The following RAD52 variants were observed in gnomAD, a reference collection of about 807,000 sequenced individuals.
RAD52 encodes the protein RAD52 DNA repair protein, also known as DNA repair protein RAD52 homolog.
Under a neutral mutation model 55.5 loss-of-function variants are expected in RAD52, and 47 were observed. The ratio of observed to expected loss-of-function variants is 0.85; its 90% CI spans 0.67 to 1.08. RAD52 has a LOEUF of 1.08. Among genes scored for constraint, RAD52 ranks in the 50% least tolerant of loss-of-function variants. The probability of loss-of-function intolerance (pLI) is 0.00; values close to 1 mark genes in which losing one functional copy is unlikely to be tolerated. For missense variants in RAD52, 468 were observed against 522.8 expected (o/e 0.90, Z 1.02); for synonymous variants, 184 against 198.9 (o/e 0.92, Z 0.63).
intron 1 of RAD52, among the ~76,000 whole-genome samples, chr12:987,842 G>A (rs991938376): frequency 6.6e-5 from 10 of 152,106 alleles, no homozygotes; most frequent in African/African-American, 1.2e-4. Context: ...GATTATAGGC[G>A]CAAGCCACTG....
rs757240202 is a variant in RAD52 at position 931,321 on chromosome 12, A to T, written c.85T>A (p.Cys29Ser). ...TGGTACTCTTCTGCTGTGTACTGGC[A>T]CTGCAACCCCAAAAAAGAAAATTAA... ...GGGSVLCFGQ[C>S]QYTAEEYQAI... Residue 29 changes from cysteine to serine, a missense_variant and splice_region_variant, in exon 3 of 12, where the codon TGC becomes AGC. Coordinates refer to ENST00000358495, the MANE Select transcript of RAD52 (RefSeq NM_134424.4). 6.4e-6 allele frequency: 10 copies of T among 1,573,216 alleles called. No individual in the cohort carries two copies. In the South Asian group the frequency reaches 1.2e-4, roughly 18 times the overall value.
chr12:960,293 CAGAG>C (rs1332115917), intron 1 of RAD52, among the ~76,000 whole-genome samples: 1 of 152,146 alleles, frequency 6.6e-6, no homozygotes, highest in African/African-American at 2.4e-5. Context: ...AATGTGTTCA[CAGAG>C]AATCTATAGA....
intron 1 of RAD52, among the ~76,000 whole-genome samples, chr12:965,045 T>C (rs1333705036): frequency 1.3e-5 from 2 of 151,998 alleles, no homozygotes; most frequent in African/African-American, 4.8e-5. Flanking sequence ...AATGGCGCCA[T>C]CTTGGCTCAC....
At position 971,026 on chromosome 12, in the gene RAD52, AT is replaced by A. The variant is rs1281960209; in HGVS notation, c.-19+18782del. ...AGTGGATTTATGTGCATATGTCACC[AT>A]TTTTTTCCATGGAATTTTATCATTG... On this transcript the variant is annotated intron_variant, in intron 1 of 11. Transcript: ENST00000430095. Among the ~76,000 whole-genome samples, 9 of 152,258 alleles carry A rather than the reference AT, an allele frequency of 5.9e-5. No homozygotes were observed. The South Asian group carries it at 1.4e-3, about 25-fold the overall frequency.
intron 1 of RAD52, among the ~76,000 whole-genome samples, chr12:936,442 T>G (rs915199729): frequency 6.6e-6 from 1 of 151,108 alleles, no homozygotes; most frequent in African/African-American, 2.4e-5. Context: ...CTATTCTGCT[T>G]TCCTTCCTAA....
chr12:950,046 C>G (rs998290012), upstream of RAD52, among the ~76,000 whole-genome samples: 1 of 152,202 alleles, frequency 6.6e-6, no homozygotes, highest in African/African-American at 2.4e-5. Context: ...ATGCCCAGTG[C>G]CCATTAGGAT....
chr12:949,794 C>T (rs1958470315), upstream of RAD52: 1 of 152,026 alleles, frequency 6.6e-6, no homozygotes, highest in Non-Finnish European at 1.5e-5. Flanking sequence ...AACCGTAAAT[C>T]AAGTCGGAGG....
At chr12:984,290 G>T (rs1959057794) in intron 1 of RAD52, among the ~76,000 whole-genome samples, 2 of 152,152 alleles carry the variant, frequency 1.3e-5, no homozygotes, top group South Asian at 4.2e-4. Flanking sequence ...CCGCCTCCCG[G>T]GTTCAAGCGA....
intron 9 of RAD52, 94 bp downstream of exon 9, chr12:916,250 C>A: frequency 6.5e-7 from 1 of 1,537,764 alleles, no homozygotes; most frequent in South Asian, 1.2e-5. Context: ...TGGTTTGGAG[C>A]CGGCCCAGGG....
At chr12:969,806 A>C (rs1268843279) in intron 1 of RAD52, among the ~76,000 whole-genome samples, 2 of 151,450 alleles carry the variant, frequency 1.3e-5, no homozygotes, top group African/African-American at 4.9e-5. Context: ...AAAAAAAAAG[A>C]TTTTAGTATG....
intron 1 of RAD52, among the ~76,000 whole-genome samples, chr12:937,394 A>G (rs1193416919): frequency 6.6e-6 from 1 of 151,082 alleles, no homozygotes; most frequent in East Asian, 1.9e-4. Flanking sequence ...GGTATAGCAG[A>G]CACTACGGAT....
At chr12:980,687 C>T (rs7976803) in intron 1 of RAD52, among the ~76,000 whole-genome samples, 20,486 of 151,118 alleles carry the variant, frequency 0.14, 1,868 homozygotes, top group African/African-American at 0.26. Flanking sequence ...CTGCAACCGC[C>T]GCCTCCTGGG....
intron 1 of RAD52, among the ~76,000 whole-genome samples, chr12:983,955 CA>C (rs2154122061): frequency 6.6e-6 from 1 of 152,224 alleles, no homozygotes; most frequent in South Asian, 2.1e-4. Flanking sequence ...AATGGATGCA[CA>C]TAAGTTTTAA....
intron 1 of RAD52, chr12:976,426 T>G (rs901398131): frequency 3.9e-5 from 6 of 152,198 alleles, no homozygotes; most frequent in Non-Finnish European, 8.8e-5. Flanking sequence ...AGGAATGAAA[T>G]TGTACCATTT....
chr12:942,305 A>C (rs544622936), intron 1 of RAD52, among the ~76,000 whole-genome samples: 1 of 152,352 alleles, frequency 6.6e-6, no homozygotes, highest in South Asian at 2.1e-4. Context: ...CAGTCATCTT[A>C]ATTTCCAAAA....
In RAD52 at chr12:987,695, G is replaced by T. The variant is rs1423288269; in HGVS notation, c.-19+2114C>A. On this transcript the variant is annotated intron_variant, in intron 1 of 11. Coordinates refer to the RAD52 transcript ENST00000430095. Reference sequence around the variant, plus strand: ...CCCACCTCAGCCACCTGAGTAGCTGGGATTACAGGCATATGCCACCATACT... The same window carrying T: ...CCCACCTCAGCCACCTGAGTAGCTGTGATTACAGGCATATGCCACCATACT... Among the ~76,000 whole-genome samples, 3 of 151,884 alleles carry T rather than the reference G, an allele frequency of 2.0e-5. No homozygotes were observed. The South Asian group carries it at 6.2e-4, about 32-fold the overall frequency.
chr12:930,537 T>C (rs1957273517), intron 3 of RAD52, among the ~76,000 whole-genome samples: 1 of 152,082 alleles, frequency 6.6e-6, no homozygotes, highest in Non-Finnish European at 1.5e-5. Context: ...TGACATATTT[T>C]ATGGAAGACC....
intron 1 of RAD52, among the ~76,000 whole-genome samples, chr12:955,469 TTC>T (rs1958591631): frequency 2.7e-5 from 4 of 146,694 alleles, no homozygotes; most frequent in Non-Finnish European, 6.0e-5. Flanking sequence ...ACTGTTCTTC[TTC>T]TTCTTTCTTT....
intron 1 of RAD52, chr12:975,082 AGTT>A (rs1958918060): frequency 6.6e-6 from 1 of 152,206 alleles, no homozygotes; most frequent in African/African-American, 2.4e-5. Context: ...TTACATTATT[AGTT>A]GTTGTTCATC....
Sources: gnomAD v4.1 joint callset for allele counts (sites outside exome capture counted in the v4.1 genomes callset) on GRCh38, gnomAD v4.1.1 for gene constraint, MANE v1.5 for transcripts, NCBI Gene and HGNC (gene_info 2026-07-23, HGNC 2026-07-21) for gene names.